Variants in SGCZ observed in about 807,000 individuals in gnomAD.
The protein encoded by SGCZ is sarcoglycan zeta.
A neutral mutation model predicts 41.3 loss-of-function variants in SGCZ; 40 were observed. The observed-to-expected ratio is 0.97, with a 90% CI of 0.75 to 1.26. The LOEUF is 1.26. SGCZ is among the 50% of genes most tolerant of loss of function. The probability of loss-of-function intolerance (pLI) is 0.00; values close to 1 mark genes in which losing one functional copy is unlikely to be tolerated. For missense variants in SGCZ, 552 were observed against 369.8 expected (o/e 1.49, Z -4.04); for synonymous variants, 206 against 137.5 (o/e 1.50, Z -3.49).
At chr8:15,033,669 T>A (rs1417882145) in intron 1 of SGCZ, among the ~76,000 whole-genome samples, 1 of 152,086 alleles carries the variant, frequency 6.6e-6, no homozygotes, top group Non-Finnish European at 1.5e-5. Flanking sequence ...CCAGTGGACC[T>A]AGGCATAAGG....
chr8:15,050,051 T>C (rs1281402083), intron 1 of SGCZ, among the ~76,000 whole-genome samples: 3 of 152,098 alleles, frequency 2.0e-5, no homozygotes, highest in Non-Finnish European at 2.9e-5. Context: ...GTTGGGACTT[T>C]GGTGATGGCT....
chr8:14,104,227 A>G (rs954948533), intron 6 of SGCZ, among the ~76,000 whole-genome samples: 8 of 152,284 alleles, frequency 5.3e-5, no homozygotes, highest in Non-Finnish European at 1.0e-4. Context: ...TCATTTTTAT[A>G]ATTGTATTCA....
intron 1 of SGCZ, among the ~76,000 whole-genome samples, chr8:14,786,888 A>ACAGCCCC (rs1439428388): frequency 5.9e-5 from 9 of 151,950 alleles, no homozygotes; most frequent in Admixed American, 2.0e-4. Context: ...TTAGATAAAG[A>ACAGCCCC]CAGCCCCCAT....
intron 1 of SGCZ, among the ~76,000 whole-genome samples, chr8:15,031,502 C>T (rs1208114347): frequency 6.6e-6 from 1 of 152,158 alleles, no homozygotes; most frequent in African/African-American, 2.4e-5. Context: ...ACATGCTCGC[C>T]ACCCCTGAAG....
At chr8:14,708,064 G>C (rs993970266) in intron 1 of SGCZ, among the ~76,000 whole-genome samples, 1 of 151,772 alleles carries the variant, frequency 6.6e-6, no homozygotes, top group South Asian at 2.1e-4. Flanking sequence ...CAAATGTCCA[G>C]ATTTCTACAA....
At chr8:15,128,540 T>C (rs919757471) in intron 1 of SGCZ, among the ~76,000 whole-genome samples, 5 of 152,206 alleles carry the variant, frequency 3.3e-5, no homozygotes, top group Non-Finnish European at 7.3e-5. Context: ...ATTTAGTCCT[T>C]GGTGCTCTGA....
At position 14,815,056 on chromosome 8, in the gene SGCZ, T is replaced by C. The variant is rs549375531; in HGVS notation, c.40-260130A>G. ...ACTGAGATTCTCTGATATGTGGTAA[T>C]TCACTTTATTTATTGGAGCAATTTG... On this transcript the variant is annotated intron_variant, in intron 1 of 7. Transcript: ENST00000382080. 3.1e-3 allele frequency among the ~76,000 whole-genome samples: 466 copies of C among 152,318 alleles called. 2 individuals are homozygous for C. The highest frequency in any genetic ancestry group is 5.0e-3 in the Non-Finnish European group (338 of 68,026).
chr8:15,035,308 A>G (rs189077768), intron 1 of SGCZ, among the ~76,000 whole-genome samples: 144 of 152,244 alleles, frequency 9.5e-4, no homozygotes, highest in African/African-American at 3.3e-3. Context: ...TGCTTTATAT[A>G]AGCTTCATAG....
chr8:14,797,759 G>A (rs1801184206), intron 1 of SGCZ, among the ~76,000 whole-genome samples: 1 of 152,104 alleles, frequency 6.6e-6, no homozygotes, highest in Non-Finnish European at 1.5e-5. Context: ...TCCTGGGGTG[G>A]GTCCAGGGCC....
chr8:15,181,594 T>A (rs1449535979), intron 1 of SGCZ, among the ~76,000 whole-genome samples: 1 of 152,188 alleles, frequency 6.6e-6, no homozygotes, highest in Non-Finnish European at 1.5e-5. Flanking sequence ...CAAACCATTA[T>A]GTTGAAATAT....
intron 1 of SGCZ, among the ~76,000 whole-genome samples, chr8:15,119,065 C>A (rs1454582): frequency 6.6e-6 from 1 of 152,066 alleles, no homozygotes; most frequent in Admixed American, 6.5e-5. Context: ...CAATTTGATA[C>A]TTTTTTCAGA....
At chr8:14,909,289 C>G (rs1246989387) in intron 1 of SGCZ, among the ~76,000 whole-genome samples, 1 of 152,086 alleles carries the variant, frequency 6.6e-6, no homozygotes, top group Non-Finnish European at 1.5e-5. Flanking sequence ...TCCTCTAAAT[C>G]CAGTTGTCTA....
chr8:14,247,449 T>G (rs529915775), intron 3 of SGCZ, among the ~76,000 whole-genome samples: 10 of 152,298 alleles, frequency 6.6e-5, no homozygotes, highest in African/African-American at 1.9e-4. Context: ...ATCTATCACT[T>G]CCTGTATCAG....
At chr8:15,010,267 CTTTTATG>C (rs1305787169) in intron 1 of SGCZ, among the ~76,000 whole-genome samples, 1 of 152,084 alleles carries the variant, frequency 6.6e-6, no homozygotes, top group Non-Finnish European at 1.5e-5. Context: ...TAATTTATGA[CTTTTATG>C]TTTTATGTAT....
At chr8:14,483,807 A>C (rs572621981) in intron 2 of SGCZ, among the ~76,000 whole-genome samples, 127 of 152,292 alleles carry the variant, frequency 8.3e-4, no homozygotes, top group African/African-American at 3.1e-3. Context: ...TGCAGCATAA[A>C]TGACAAAGTT....
chr8:14,686,280 G>A (rs74721669), intron 1 of SGCZ, among the ~76,000 whole-genome samples: 12,965 of 152,122 alleles, frequency 0.085, 684 homozygotes, highest in Middle Eastern at 0.13. Context: ...GCTGTAATAT[G>A]TTGTAAGCAC....
intron 2 of SGCZ, among the ~76,000 whole-genome samples, chr8:14,374,632 A>T (rs573034534): frequency 3.9e-5 from 6 of 152,000 alleles, no homozygotes; most frequent in Admixed American, 1.3e-4. Context: ...ATGGCCATAA[A>T]TACATAGGGA....
At chr8:14,689,434 G>A (rs1228757791) in intron 1 of SGCZ, among the ~76,000 whole-genome samples, 2 of 152,116 alleles carry the variant, frequency 1.3e-5, no homozygotes, top group Non-Finnish European at 2.9e-5. Context: ...AGGACTGTGA[G>A]AGATTATTTA....
chr8:14,611,327 G>T (rs1355306), intron 1 of SGCZ, among the ~76,000 whole-genome samples: 1 of 112,670 alleles, frequency 8.9e-6, no homozygotes, highest in African/African-American at 2.9e-5. Context: ...TGAATATGTG[G>T]GTCTATGTGT....
Sources: gnomAD v4.1 joint callset for allele counts (sites outside exome capture counted in the v4.1 genomes callset) on GRCh38, gnomAD v4.1.1 for gene constraint, MANE v1.5 for transcripts, NCBI Gene and HGNC (gene_info 2026-07-23, HGNC 2026-07-21) for gene names.